Variants in METTL15 observed in about 807,000 individuals in gnomAD.
METTL15 encodes methyltransferase 15, mitochondrial 12S rRNA N4-cytidine, also known as 12S rRNA N(4)-cytidine methyltransferase METTL15.
Under a neutral mutation model 38.3 loss-of-function variants are expected in METTL15, and 34 were observed. The observed-to-expected ratio is 0.89, with a 90% CI of 0.68 to 1.18. METTL15 has a LOEUF of 1.18. Ranked by LOEUF, METTL15 falls within the 50% of genes most tolerant of loss-of-function variation. METTL15 has a pLI of 0.00. For missense variants in METTL15, 438 were observed against 498.4 expected, an observed-to-expected ratio of 0.88 and a Z score of 1.15; for synonymous variants, 162 against 170.9, an observed-to-expected ratio of 0.95 and a Z score of 0.41.
At chr11:28,249,441 A>G (rs890831462) in intron 4 of METTL15, among the ~76,000 whole-genome samples, 2 of 152,000 alleles carry the variant, frequency 1.3e-5, no homozygotes, top group Non-Finnish European at 2.9e-5. Context: ...CAGTGACTCA[A>G]CCCGATACTA....
intron 5 of METTL15, among the ~76,000 whole-genome samples, chr11:28,374,898 G>A (rs909135781): frequency 1.3e-5 from 2 of 151,386 alleles, no homozygotes; most frequent in Non-Finnish European, 3.0e-5. Context: ...TTTGTCAAAG[G>A]CCTTTTCTGC....
intron 6 of METTL15, among the ~76,000 whole-genome samples, chr11:28,428,938 G>A (rs913758799): frequency 2.6e-5 from 4 of 152,048 alleles, no homozygotes; most frequent in Non-Finnish European, 4.4e-5. Flanking sequence ...CTAATTCTCT[G>A]GTGCTGACCA....
At chr11:28,346,006 G>A (rs1849992691) in intron 3 of METTL15, among the ~76,000 whole-genome samples, 1 of 152,148 alleles carries the variant, frequency 6.6e-6, no homozygotes, top group South Asian at 2.1e-4. Flanking sequence ...AAAAATAGGA[G>A]TAGTCTTGAA....
intron 4 of METTL15, among the ~76,000 whole-genome samples, chr11:28,260,620 A>G (rs989424012): frequency 2.6e-5 from 4 of 152,192 alleles, no homozygotes; most frequent in Non-Finnish European, 5.9e-5. Flanking sequence ...TACTACCCCC[A>G]GTCTCTCTAC....
chr11:28,328,015 G>A (rs2134059436), intron 6 of METTL15: 1 of 1,404,938 alleles, frequency 7.1e-7, no homozygotes. Context: ...AAAATATCCT[G>A]CAGTTCTTAT....
At chr11:28,440,981 T>G (rs566067077) in intron 6 of METTL15, among the ~76,000 whole-genome samples, 1 of 152,196 alleles carries the variant, frequency 6.6e-6, no homozygotes, top group African/African-American at 2.4e-5. Context: ...CACATTGGAT[T>G]TTGAAGACTG....
intron 4 of METTL15, among the ~76,000 whole-genome samples, chr11:28,253,405 G>A (rs1040993580): frequency 2.6e-5 from 4 of 152,098 alleles, no homozygotes; most frequent in South Asian, 4.1e-4. Flanking sequence ...TAAGTACATC[G>A]TGGAGAATGG....
intron 3 of METTL15, among the ~76,000 whole-genome samples, chr11:28,344,895 G>A (rs1286634725): frequency 2.6e-5 from 4 of 152,076 alleles, no homozygotes; most frequent in Admixed American, 2.0e-4. Context: ...AAAATGAAAC[G>A]TGAAATTAAT....
chr11:28,407,688 A>G (rs1385982825), intron 5 of METTL15, among the ~76,000 whole-genome samples: 1 of 152,156 alleles, frequency 6.6e-6, no homozygotes, highest in African/African-American at 2.4e-5. Context: ...AGAAATAGGA[A>G]TGCTTTTACG....
At chr11:28,263,582 C>A (rs994622441) in intron 4 of METTL15, among the ~76,000 whole-genome samples, 10 of 152,132 alleles carry the variant, frequency 6.6e-5, no homozygotes, top group Non-Finnish European at 1.5e-4. Flanking sequence ...AATTGCATTT[C>A]TTTCCATTAG....
downstream of METTL15, among the ~76,000 whole-genome samples, chr11:28,335,041 T>C (rs569726400): frequency 6.6e-6 from 1 of 152,308 alleles, no homozygotes; most frequent in South Asian, 2.1e-4. Context: ...ATATCATTGC[T>C]CAAATGTTAG....
At chr11:28,458,907 C>A (rs1178357312) in intron 6 of METTL15, among the ~76,000 whole-genome samples, 2 of 152,104 alleles carry the variant, frequency 1.3e-5, no homozygotes, top group South Asian at 2.1e-4. Flanking sequence ...GAAATTTATT[C>A]TTTTATGTAG....
intron 6 of METTL15, among the ~76,000 whole-genome samples, chr11:28,433,092 C>T (rs964459547): frequency 6.6e-6 from 1 of 151,548 alleles, no homozygotes. Flanking sequence ...AACTGTCATT[C>T]TATTAATGCC....
At chr11:28,307,719 C>T (rs1303910142) in intron 6 of METTL15, among the ~76,000 whole-genome samples, 1 of 151,950 alleles carries the variant, frequency 6.6e-6, no homozygotes, top group Admixed American at 6.6e-5. Context: ...TATGTATCGA[C>T]TTAACCATCA....
intron 6 of METTL15, among the ~76,000 whole-genome samples, chr11:28,466,454 A>G (rs1476730861): frequency 6.6e-6 from 1 of 152,248 alleles, no homozygotes; most frequent in Non-Finnish European, 1.5e-5. Flanking sequence ...ATCAGGCATC[A>G]GTTAACAAGA....
chr11:28,498,996 T>G (rs1851559101), intron 6 of METTL15, among the ~76,000 whole-genome samples: 1 of 152,344 alleles, frequency 6.6e-6, no homozygotes, highest in Admixed American at 6.5e-5. Context: ...TTAATACATC[T>G]TAACTCTGCT....
At chr11:28,528,949 G>A (rs1233223845), downstream of METTL15, among the ~76,000 whole-genome samples, 1 of 152,170 alleles carries the variant, frequency 6.6e-6, no homozygotes, top group Non-Finnish European at 1.5e-5. Flanking sequence ...TGAGGCAAAT[G>A]TTTGACATGT....
In METTL15 at chr11:28,138,614, T is replaced by C. The variant is rs181013510; in HGVS notation, c.270+25010T>C. On this transcript the variant is annotated intron_variant, in intron 3 of 6. Transcript: ENST00000407364. ...ATTTAAGAAAGAAAGCTAGAATTTG[T>C]TCACAGACGGGAAGAGAATCAGCAA... Among the ~76,000 whole-genome samples the C allele has an allele frequency of 2.4e-4, 36 of 152,262 alleles. No homozygotes were observed. In the East Asian group the frequency reaches 6.4e-3, roughly 27 times the overall value.
chr11:28,395,768 C>G (rs1485439505), intron 5 of METTL15, among the ~76,000 whole-genome samples: 1 of 152,106 alleles, frequency 6.6e-6, no homozygotes, highest in Non-Finnish European at 1.5e-5. Context: ...CATCCTGATA[C>G]CAAAGCCGGG....
Sources: gnomAD v4.1 joint callset for allele counts (sites outside exome capture counted in the v4.1 genomes callset) on GRCh38, gnomAD v4.1.1 for gene constraint, MANE v1.5 for transcripts, NCBI Gene and HGNC (gene_info 2026-07-23, HGNC 2026-07-21) for gene names.